ASIC2: variants seen among roughly 807,000 people sequenced by gnomAD.
ASIC2 encodes acid-sensing ion channel 2.
ASIC2 carries 25 observed loss-of-function variants against 57.3 expected under a neutral mutation model. The ratio of observed to expected loss-of-function variants is 0.44; its 90% confidence interval spans 0.32 to 0.61. The LOEUF (loss-of-function observed/expected upper bound fraction) is 0.61, where lower values mean the gene tolerates loss of function less well. Among genes scored for constraint, ASIC2 ranks in the 20% least tolerant of loss-of-function variants. The pLI, the probability that ASIC2 is intolerant of heterozygous loss-of-function variation, is 0.06. For missense variants in ASIC2, 641 were observed against 738.1 expected (o/e 0.87, Z 1.52); for synonymous variants, 319 against 307.5 (o/e 1.04, Z -0.39).
At chr17:33,452,936 G>A (rs549163276) in intron 1 of ASIC2, among the ~76,000 whole-genome samples, 2 of 151,838 alleles carry the variant, frequency 1.3e-5, no homozygotes, top group African/African-American at 2.4e-5. Flanking sequence ...CTACATGCCA[G>A]TATTTAGCAC....
At chr17:33,668,811 G>A (rs1907561061) in intron 1 of ASIC2, among the ~76,000 whole-genome samples, 1 of 152,204 alleles carries the variant, frequency 6.6e-6, no homozygotes, top group Admixed American at 6.5e-5. Context: ...TACAGTAAGT[G>A]TTCATCGTTA....
intron 1 of ASIC2, among the ~76,000 whole-genome samples, chr17:33,165,391 T>A (rs1905276459): frequency 6.6e-6 from 1 of 152,162 alleles, no homozygotes; most frequent in Non-Finnish European, 1.5e-5. Context: ...AGGCCTGAGC[T>A]GGGTAGTCAC....
intron 1 of ASIC2, among the ~76,000 whole-genome samples, chr17:34,066,664 C>A (rs544157063): frequency 6.6e-6 from 1 of 152,298 alleles, no homozygotes; most frequent in East Asian, 1.9e-4. Flanking sequence ...TCCATGACAT[C>A]TATCATGATG....
intron 1 of ASIC2, among the ~76,000 whole-genome samples, chr17:33,859,482 G>C (rs989803297): frequency 4.6e-5 from 7 of 152,210 alleles, no homozygotes; most frequent in African/African-American, 1.7e-4. Flanking sequence ...AGCTCAATCA[G>C]AGATTAAGCA....
chr17:33,405,641 A>G (rs1180215255), intron 1 of ASIC2, among the ~76,000 whole-genome samples: 1 of 150,772 alleles, frequency 6.6e-6, no homozygotes, highest in Non-Finnish European at 1.5e-5. Context: ...CCGCCACCAC[A>G]CCCAGCTAAT....
At chr17:33,792,718 T>A (rs1911808631) in intron 1 of ASIC2, 1 of 152,194 alleles carries the variant, frequency 6.6e-6, no homozygotes, top group Non-Finnish European at 1.5e-5. Context: ...CAGACTGAGT[T>A]TCAGTTTTGA....
At chr17:33,043,254 A>G (rs2091937088) in intron 3 of ASIC2, among the ~76,000 whole-genome samples, 1 of 152,204 alleles carries the variant, frequency 6.6e-6, no homozygotes, top group African/African-American at 2.4e-5. Flanking sequence ...AGCAAACTTC[A>G]GTCACTTGCC....
intron 1 of ASIC2, among the ~76,000 whole-genome samples, chr17:33,551,032 T>C (rs755898125): frequency 6.6e-6 from 1 of 152,180 alleles, no homozygotes; most frequent in African/African-American, 2.4e-5. Flanking sequence ...TTTTTCTGGA[T>C]GATATTTTTA....
intron 1 of ASIC2, among the ~76,000 whole-genome samples, chr17:33,525,234 A>G (rs971662958): frequency 5.3e-5 from 8 of 152,204 alleles, no homozygotes; most frequent in African/African-American, 1.9e-4. Context: ...ACTTCCTAGC[A>G]TTCCCTGCCA....
chr17:33,620,344 G>A (rs1242186995), intron 1 of ASIC2, among the ~76,000 whole-genome samples: 2 of 151,638 alleles, frequency 1.3e-5, no homozygotes, highest in Non-Finnish European at 2.9e-5. Flanking sequence ...CACAGTTGAT[G>A]GCAAAGTTCC....
chr17:33,225,174 A>C (rs1289876847), intron 1 of ASIC2, among the ~76,000 whole-genome samples: 1 of 152,206 alleles, frequency 6.6e-6, no homozygotes, highest in Non-Finnish European at 1.5e-5. Context: ...AAATCGTTGC[A>C]TATGTTGAAT....
At chr17:33,185,812 G>A (rs1906169279) in intron 1 of ASIC2, among the ~76,000 whole-genome samples, 1 of 152,162 alleles carries the variant, frequency 6.6e-6, no homozygotes, top group African/African-American at 2.4e-5. Flanking sequence ...AATACCATGT[G>A]TTCTATCAGC....
At chr17:33,017,844 C>T (rs28925) in intron 7 of ASIC2, among the ~76,000 whole-genome samples, 160 bp from the exon 8 acceptor site, 5,861 of 152,314 alleles carry the variant, frequency 0.038, 352 homozygotes, top group African/African-American at 0.12. Flanking sequence ...CCTTCCCTCA[C>T]GGCACAGCTC....
At chr17:34,040,261 G>C (rs942432821) in intron 1 of ASIC2, among the ~76,000 whole-genome samples, 1 of 149,318 alleles carries the variant, frequency 6.7e-6, no homozygotes, top group African/African-American at 2.5e-5. Flanking sequence ...GGAGGGCGGG[G>C]GTGTCGGAAC....
chr17:34,138,747 C>G (rs1239062569), intron 1 of ASIC2, among the ~76,000 whole-genome samples: 3 of 152,152 alleles, frequency 2.0e-5, no homozygotes, highest in Admixed American at 1.3e-4. Flanking sequence ...TGAGTGGAGT[C>G]CTACCAACCT....
At chr17:33,574,849 C>CAA (rs1916565312) in intron 1 of ASIC2, among the ~76,000 whole-genome samples, 1 of 102,664 alleles carries the variant, frequency 9.7e-6, no homozygotes, top group African/African-American at 4.6e-5. Context: ...GTCTCTGTTT[C>CAA]TATTTTTTTT....
At chr17:34,085,050 C>T (rs902652429) in intron 1 of ASIC2, among the ~76,000 whole-genome samples, 1 of 152,160 alleles carries the variant, frequency 6.6e-6, no homozygotes, top group Non-Finnish European at 1.5e-5. Context: ...TGCCTAATTG[C>T]CGTGGCCAGA....
chr17:33,293,044 C>T lies in ASIC2; in HGVS notation c.-929G>A. 4.1e-6 allele frequency: 4 copies of T among 985,588 alleles called. No homozygotes were observed. Among genetic ancestry groups the T allele is most frequent in the Non-Finnish European group, 4.8e-6 (4 of 830,028 alleles). The allele number at this position is 985,588 out of a possible 1,614,324, so 61.1% of individuals were successfully genotyped here. On this transcript the variant is annotated 5_prime_UTR_variant, in exon 1 of 10. Transcript: ENST00000225823. ...TGTCTCTCGCGTCTTCTCTCTGCCC[C>T]CGCGGCGACAAGAGCTGGGGACTGC...
chr17:33,941,962 A>G (rs1338523289), intron 1 of ASIC2, among the ~76,000 whole-genome samples: 5 of 152,326 alleles, frequency 3.3e-5, no homozygotes, highest in Middle Eastern at 6.8e-3. Context: ...GGGGAGATAT[A>G]TAACACAACA....
Sources: allele counts gnomAD v4.1 joint callset (sites outside exome capture counted in the v4.1 genomes callset), GRCh38; gene constraint gnomAD v4.1.1; transcripts MANE v1.5; gene names NCBI Gene and HGNC (gene_info 2026-07-23, HGNC 2026-07-21).